GBE1: variants seen among roughly 807,000 people sequenced by gnomAD.
The protein encoded by GBE1 is 1,4-alpha-glucan-branching enzyme.
In GBE1, 70 loss-of-function variants were observed where a neutral mutation model predicts 88.8. The observed-to-expected ratio is 0.79, with a 90% CI of 0.65 to 0.96. GBE1 has a LOEUF of 0.96. Among genes scored for constraint, GBE1 ranks in the 40% least tolerant of loss-of-function variants. The pLI, the probability that GBE1 is intolerant of heterozygous loss-of-function variation, is 0.00. For missense variants in GBE1, 872 were observed against 871.0 expected (o/e 1.00, Z -0.01); for synonymous variants, 284 against 300.1 (o/e 0.95, Z 0.56).
In GBE1 at chr3:81,490,401, G is replaced by T; in HGVS notation, c.*6C>A. On this transcript the variant is annotated 3_prime_UTR_variant, in exon 16 of 16. Transcript: ENST00000429644. ...CTGCATCTGGTGGAGCTGAAATCAG[G>T]CCTCTTCAATTCGGCAGATCCACAT... The T allele has an allele frequency of 6.2e-7, 1 of 1,610,588 alleles. No individual in the cohort carries two copies. Among genetic ancestry groups the T allele is most frequent in the South Asian group, 1.1e-5 (1 of 90,944 alleles).
intron 12 of GBE1, among the ~76,000 whole-genome samples, chr3:81,544,131 G>A (rs1220971161): frequency 6.6e-6 from 1 of 152,074 alleles, no homozygotes; most frequent in Non-Finnish European, 1.5e-5. Flanking sequence ...CCAGCAACTA[G>A]AAGAATGGGT....
intron 14 of GBE1, among the ~76,000 whole-genome samples, chr3:81,525,496 T>C (rs1024377070): frequency 1.3e-5 from 2 of 152,028 alleles, no homozygotes; most frequent in Admixed American, 6.6e-5. Context: ...AATTCTCTTT[T>C]ATTTGTTGTG....
chr3:81,753,877 G>C (rs1367578404), intron 1 of GBE1, among the ~76,000 whole-genome samples: 2 of 152,128 alleles, frequency 1.3e-5, no homozygotes, highest in Non-Finnish European at 2.9e-5. Flanking sequence ...AACTTGGCCA[G>C]GCACTGAGAA....
At chr3:81,498,790 TG>T (rs1388494875) in intron 15 of GBE1, among the ~76,000 whole-genome samples, 1 of 152,156 alleles carries the variant, frequency 6.6e-6, no homozygotes, top group Non-Finnish European at 1.5e-5. Context: ...AGTGAAATGT[TG>T]CATAAAGAAT....
chr3:81,687,752 C>T (rs747424027), intron 2 of GBE1, among the ~76,000 whole-genome samples: 3 of 152,014 alleles, frequency 2.0e-5, no homozygotes, highest in African/African-American at 4.8e-5. Context: ...AAGGTGAGCA[C>T]GGTGGAAGCT....
At chr3:81,552,266 C>T (rs971988586) in intron 12 of GBE1, among the ~76,000 whole-genome samples, 1 of 152,068 alleles carries the variant, frequency 6.6e-6, no homozygotes, top group African/African-American at 2.4e-5. Context: ...GCCTGTAATC[C>T]CTGCACTTTG....
intron 3 of GBE1, among the ~76,000 whole-genome samples, chr3:81,665,256 G>A (rs1327201248): frequency 1.3e-5 from 2 of 152,024 alleles, no homozygotes; most frequent in Non-Finnish European, 2.9e-5. Flanking sequence ...TTTGTTGGCC[G>A]GGCGTGGTGG....
At chr3:81,688,577 C>T (rs1705473778) in intron 2 of GBE1, among the ~76,000 whole-genome samples, 1 of 151,936 alleles carries the variant, frequency 6.6e-6, no homozygotes, top group African/African-American at 2.4e-5. Flanking sequence ...AATAAGACTC[C>T]ATTATATACT....
At chr3:81,594,435 T>A (rs1231771384) in intron 7 of GBE1, among the ~76,000 whole-genome samples, 4 of 152,078 alleles carry the variant, frequency 2.6e-5, no homozygotes, top group Non-Finnish European at 5.9e-5. Flanking sequence ...TCATGTAATA[T>A]AACCATAATT....
chr3:81,737,624 T>C (rs1312237386), intron 1 of GBE1, among the ~76,000 whole-genome samples: 1 of 151,396 alleles, frequency 6.6e-6, no homozygotes, highest in Non-Finnish European at 1.5e-5. Flanking sequence ...TTGTATGTGT[T>C]GAATCTAATT....
chr3:81,564,151 C>T (rs1703459125), intron 12 of GBE1, among the ~76,000 whole-genome samples: 1 of 152,042 alleles, frequency 6.6e-6, no homozygotes, highest in African/African-American at 2.4e-5. Context: ...TTTAAAGGAA[C>T]ACTTTCCTGC....
intron 7 of GBE1, among the ~76,000 whole-genome samples, chr3:81,615,825 C>A (rs536290676): frequency 6.6e-6 from 1 of 152,174 alleles, no homozygotes; most frequent in Non-Finnish European, 1.5e-5. Flanking sequence ...TGTATGACAA[C>A]TGCATATTTA....
chr3:81,710,975 AG>A (rs1705857223), intron 1 of GBE1, among the ~76,000 whole-genome samples: 1 of 152,210 alleles, frequency 6.6e-6, no homozygotes, highest in Non-Finnish European at 1.5e-5. Flanking sequence ...TGGACTACCC[AG>A]GGTGGGACGG....
intron 2 of GBE1, among the ~76,000 whole-genome samples, chr3:81,682,539 T>C (rs1433977259): frequency 6.6e-6 from 1 of 151,792 alleles, no homozygotes; most frequent in South Asian, 2.1e-4. Context: ...ATGAGGAAAA[T>C]ACAAATACAA....
At position 81,612,576 on chromosome 3, in the gene GBE1, A is replaced by G. The variant is rs574981226; in HGVS notation, c.993-18553T>C. ...TGGTTGAGAAATGTTGTTACCCCCA[A>G]ATTTGGGATGTTGGCGATCAGTTCT... On this transcript the variant is annotated intron_variant, in intron 7 of 15. Coordinates refer to ENST00000429644, the MANE Select transcript of GBE1 (RefSeq NM_000158.4). The G allele has an allele frequency of 8.1e-4, 571 of 703,084 alleles. 9 individuals carry two copies. Among genetic ancestry groups the G allele is most frequent in the South Asian group, 7.5e-3 (558 of 74,316 alleles). 43.6% of individuals were successfully genotyped at this position (703,084 alleles called of 1,614,324 possible). A position where few individuals can be genotyped will look rare whatever the true frequency, so the allele number is the denominator to read the frequency against.
chr3:81,729,373 C>T (rs1054073748), intron 1 of GBE1, among the ~76,000 whole-genome samples: 2 of 152,164 alleles, frequency 1.3e-5, no homozygotes, highest in Non-Finnish European at 2.9e-5. Flanking sequence ...TCCATCTGCA[C>T]AGTATGCCTG....
At chr3:81,722,538 T>C (rs769397006) in intron 1 of GBE1, among the ~76,000 whole-genome samples, 10 of 152,012 alleles carry the variant, frequency 6.6e-5, no homozygotes, top group Non-Finnish European at 1.5e-4. Flanking sequence ...TAAAAATAAT[T>C]TAAAAGTTTT....
At chr3:81,629,155 T>A (rs908000727) in intron 7 of GBE1, among the ~76,000 whole-genome samples, 1 of 146,112 alleles carries the variant, frequency 6.8e-6, no homozygotes, top group Non-Finnish European at 1.5e-5. Flanking sequence ...ATTAGGTGTA[T>A]CTCCCAATGC....
At chr3:81,742,889 G>A (rs893065747) in intron 1 of GBE1, among the ~76,000 whole-genome samples, 8 of 151,990 alleles carry the variant, frequency 5.3e-5, no homozygotes, top group African/African-American at 1.9e-4. Flanking sequence ...CCCACCACAG[G>A]CCACTACATG....
Sources: gnomAD v4.1 joint callset for allele counts (sites outside exome capture counted in the v4.1 genomes callset) on GRCh38, gnomAD v4.1.1 for gene constraint, MANE v1.5 for transcripts, NCBI Gene and HGNC (gene_info 2026-07-23, HGNC 2026-07-21) for gene names.